ABHD2: variants seen among roughly 807,000 people sequenced by gnomAD.
ABHD2 encodes the protein abhydrolase domain containing 2, acylglycerol lipase.
A neutral mutation model predicts 48.1 loss-of-function variants in ABHD2; 20 were observed. The ratio of observed to expected loss-of-function variants is 0.42; its 90% CI spans 0.29 to 0.60. The LOEUF (loss-of-function observed/expected upper bound fraction) is 0.60. Ranked by LOEUF, ABHD2 falls within the 20% of genes least tolerant of loss-of-function variation. The pLI, the probability that ABHD2 is intolerant of heterozygous loss-of-function variation, is 0.24. For missense variants in ABHD2, 405 were observed against 550.9 expected, an observed-to-expected ratio of 0.74 and a Z score of 2.65; for synonymous variants, 209 against 214.2, an observed-to-expected ratio of 0.98 and a Z score of 0.21.
the ABHD2 span, among the ~76,000 whole-genome samples, chr15:89,080,580 C>T: frequency 6.6e-6 from 1 of 152,064 alleles, no homozygotes; most frequent in Non-Finnish European, 1.5e-5. Flanking sequence ...GCCTCCAGGG[C>T]ATTATCAAAC....
In ABHD2 at chr15:89,174,800, T is replaced by C. The variant is rs2050985186; in HGVS notation, c.539-1012T>C. Reference sequence around the variant, plus strand: ...GCCTTAGAAGGATGTGATGAATCCCTTCACTTGTAATATGGCCATTCACCT... The same window carrying C: ...GCCTTAGAAGGATGTGATGAATCCCCTCACTTGTAATATGGCCATTCACCT... On this transcript the variant is annotated intron_variant, in intron 5 of 10. Transcript: ENST00000352732. The surrounding 1 kb of genome is among the most constrained non-coding windows in gnomAD (Gnocchi z 4.1). 6.6e-6 allele frequency among the ~76,000 whole-genome samples: 1 copy of C among 152,204 alleles called. No homozygotes were observed. The highest frequency in any genetic ancestry group is 2.4e-5 in the African/African-American group (1 of 41,460).
chr15:89,161,855 A>G (rs2050767055), intron 5 of ABHD2, among the ~76,000 whole-genome samples: 1 of 152,214 alleles, frequency 6.6e-6, no homozygotes, highest in African/African-American at 2.4e-5. Flanking sequence ...TGGCTTATAC[A>G]AGAGCAATTT....
intron 3 of ABHD2, among the ~76,000 whole-genome samples, chr15:89,148,413 C>T (rs963836818): frequency 6.6e-6 from 1 of 151,786 alleles, no homozygotes; most frequent in Admixed American, 6.5e-5. Context: ...TTTTTTTGCC[C>T]ATCAAAGTGG....
At position 89,167,216 on chromosome 15, in the gene ABHD2, G is replaced by A. The variant is rs1220349711; in HGVS notation, c.539-8596G>A. Among the ~76,000 whole-genome samples the A allele has an allele frequency of 1.3e-5, 2 of 152,124 alleles. No homozygotes were observed. Among genetic ancestry groups the A allele is most frequent in the East Asian group, 1.9e-4 (1 of 5,198 alleles). On this transcript the variant is annotated intron_variant, in intron 5 of 10. Transcript: ENST00000352732. The surrounding 1 kb of genome is among the most constrained non-coding windows in gnomAD (Gnocchi z 5.5). ...ATTAGATCATAAACATAGGTGTTTC[G>A]ATAAGCTTCTCATATCTACCATTTT... is the stretch of plus-strand genomic sequence containing the variant.
In ABHD2 at chr15:89,134,073, C is replaced by T. The variant is rs186587176; in HGVS notation, c.194+17552C>T. 2.4e-3 allele frequency among the ~76,000 whole-genome samples: 369 copies of T among 152,200 alleles called. 5 individuals carry two copies. The highest frequency in any genetic ancestry group is 7.2e-3 in the East Asian group (37 of 5,168). On this transcript the variant is annotated intron_variant, in intron 3 of 10. Coordinates refer to ENST00000352732, the MANE Select transcript of ABHD2 (RefSeq NM_152924.5). Reference sequence around the variant, plus strand: ...CAGGATGGCCTCGATCTCCTGACCTCGTGATCCTCCCGCCTCAGCCTCCCA... The same window carrying T: ...CAGGATGGCCTCGATCTCCTGACCTTGTGATCCTCCCGCCTCAGCCTCCCA...
At chr15:89,124,886 C>G (rs1330059859) in intron 3 of ABHD2, among the ~76,000 whole-genome samples, 1 of 152,102 alleles carries the variant, frequency 6.6e-6, no homozygotes, top group East Asian at 1.9e-4. Flanking sequence ...GTCAGGAGTT[C>G]GAGACCAGCC....
chr15:89,136,117 C>A, intron 3 of ABHD2: 1 of 192,176 alleles, frequency 5.2e-6, no homozygotes, highest in African/African-American at 2.4e-5. Context: ...TCAGTAGAGA[C>A]GGGCTTTCAC....
At chr15:89,192,768 C>G (rs1289572741) in intron 9 of ABHD2, among the ~76,000 whole-genome samples, 1 of 152,172 alleles carries the variant, frequency 6.6e-6, no homozygotes, top group Non-Finnish European at 1.5e-5. Context: ...AGGCTGGTCT[C>G]AAACTTGTGG....
At position 89,136,374 on chromosome 15, in the gene ABHD2, A is replaced by C. The variant is rs115969668; in HGVS notation, c.195-15303A>C. 345 of 517,664 alleles carry C rather than the reference A, an allele frequency of 6.7e-4. 1 individual carries two copies. Among genetic ancestry groups the C allele is most frequent in the African/African-American group, 6.1e-3 (314 of 51,586 alleles). The allele number at this position is 517,664 out of a possible 1,614,324, so 32.1% of individuals were successfully genotyped here. A position where few individuals can be genotyped will look rare whatever the true frequency, so the allele number is the denominator to read the frequency against. ...CCACCTCTCTGAGCACTTCTTAGAAAACTCTGAGGAGTTGACTGAAGCATC... is the reference window on the plus strand; with the variant it reads ...CCACCTCTCTGAGCACTTCTTAGAACACTCTGAGGAGTTGACTGAAGCATC... On this transcript the variant is annotated intron_variant, in intron 3 of 10. Transcript: ENST00000352732.
the ABHD2 span, among the ~76,000 whole-genome samples, chr15:89,051,995 A>G: frequency 6.6e-6 from 1 of 152,172 alleles, no homozygotes; most frequent in East Asian, 1.9e-4. Flanking sequence ...GCAGTCACTA[A>G]CTTCCAGAGT....
At position 89,176,954 on chromosome 15, in the gene ABHD2, AT is replaced by A. The variant is rs2051024539; in HGVS notation, c.722+960del. 6.6e-6 allele frequency among the ~76,000 whole-genome samples: 1 copy of A among 152,160 alleles called. No homozygotes were observed. Among genetic ancestry groups the A allele is most frequent in the Non-Finnish European group, 1.5e-5 (1 of 68,020 alleles). On this transcript the variant is annotated intron_variant, in intron 6 of 10. Transcript: ENST00000352732. The surrounding 1 kb of genome is among the most constrained non-coding windows in gnomAD (Gnocchi z 4.5). ...AACATACCTTGTTACTTTCTGATGG[AT>A]AGAGGCCATCTATATTATTTCTAAA...
Position 89,195,426 on chromosome 15 carries a change from C to T in ABHD2, c.*3C>T, listed in dbSNP as rs756313304. ...AGGTGGAGGCCGACCTGGAGTGAGG[C>T]CTCCGGACTCTGGCACGCTCCAGCA... On this transcript the variant is annotated 3_prime_UTR_variant, in exon 11 of 11. Transcript: ENST00000352732. The surrounding 1 kb of genome is among the most constrained non-coding windows in gnomAD (Gnocchi z 5.1). 1 of 1,611,826 alleles carries T rather than the reference C, an allele frequency of 6.2e-7. No individual in the cohort carries two copies. Among genetic ancestry groups the T allele is most frequent in the Non-Finnish European group, 8.5e-7 (1 of 1,179,276 alleles).
At chr15:89,052,121 C>A in the ABHD2 span, among the ~76,000 whole-genome samples, 2,528 of 152,252 alleles carry the variant, frequency 0.017, 62 homozygotes, top group African/African-American at 0.058. Flanking sequence ...TTTACTCCCA[C>A]AGTATTATTC....
At chr15:89,103,725 A>G (rs540668467) in intron 1 of ABHD2, among the ~76,000 whole-genome samples, 1 of 152,274 alleles carries the variant, frequency 6.6e-6, no homozygotes, top group South Asian at 2.1e-4. Flanking sequence ...AGAATCCAGA[A>G]TCTCTGGGTC....
At chr15:89,125,327 A>C (rs377518126) in intron 3 of ABHD2, among the ~76,000 whole-genome samples, 18 of 152,156 alleles carry the variant, frequency 1.2e-4, no homozygotes, top group African/African-American at 4.1e-4. Flanking sequence ...GATTGGCAGA[A>C]CTGTAGTGTT....
At position 89,104,844 on chromosome 15, in the gene ABHD2, CTCTTCTTCAGTTGTA is replaced by C. The variant is rs1266268732; in HGVS notation, c.-106-8878_-106-8864del. Among the ~76,000 whole-genome samples, 17 of 152,200 alleles carry C rather than the reference CTCTTCTTCAGTTGTA, an allele frequency of 1.1e-4. No homozygotes were observed. The highest frequency in any genetic ancestry group is 2.1e-4 in the Non-Finnish European group (14 of 68,052). ...CCAGGACAATCAATCTGGAGATGCC[CTCTTCTTCAGTTGTA>C]TCCTTCTCTTAAAAATTCCAGTAAA... On this transcript the variant is annotated intron_variant, in intron 1 of 10. Transcript: ENST00000352732. The surrounding 1 kb of genome is among the most constrained non-coding windows in gnomAD (Gnocchi z 4.4).
rs1368798855 is a variant in ABHD2, at chr15:89,189,370, G to C, written c.926+1067G>C. Among the ~76,000 whole-genome samples, 1 of 152,052 alleles carries C rather than the reference G, an allele frequency of 6.6e-6. No individual in the cohort carries two copies. Among genetic ancestry groups the C allele is most frequent in the African/African-American group, 2.4e-5 (1 of 41,382 alleles). On this transcript the variant is annotated intron_variant, in intron 8 of 10. Transcript: ENST00000352732. This position sits in a 1 kb window ranked among gnomAD's most constrained non-coding sequence, Gnocchi z 4.9. ...TAGCCGGGCATAGTGGCACACACCT[G>C]TAGTCCCAGCTGCTTAGGAGGCTGA...
chr15:89,138,941 C>T (rs971437098), intron 3 of ABHD2, among the ~76,000 whole-genome samples: 1 of 151,628 alleles, frequency 6.6e-6, no homozygotes, highest in Non-Finnish European at 1.5e-5. Context: ...GAAGGCCGGG[C>T]AGGATGGCTC....
chr15:89,078,127 A>C, the ABHD2 span, among the ~76,000 whole-genome samples: 33 of 152,168 alleles, frequency 2.2e-4, no homozygotes, highest in African/African-American at 8.0e-4. Context: ...TCTGTGGGGA[A>C]GTCCTGAAGA....
Sources: allele counts gnomAD v4.1 joint callset (sites outside exome capture counted in the v4.1 genomes callset), GRCh38; gene constraint gnomAD v4.1.1; non-coding constraint Gnocchi (gnomAD v3.1); transcripts MANE v1.5; gene names NCBI Gene and HGNC (gene_info 2026-07-23, HGNC 2026-07-21).